PTPRG: variants seen among roughly 807,000 people sequenced by gnomAD.
PTPRG encodes the protein receptor-type tyrosine-protein phosphatase gamma.
A neutral mutation model predicts 165.3 loss-of-function variants in PTPRG; 102 were observed. The observed-to-expected ratio is 0.62, with a 90% CI of 0.53 to 0.73. The LOEUF (loss-of-function observed/expected upper bound fraction) is 0.73, where lower values mean the gene tolerates loss of function less well. Among genes scored for constraint, PTPRG ranks in the 30% least tolerant of loss-of-function variants. PTPRG has a pLI of 0.00. For synonymous variants in PTPRG, 675 were observed against 669.5 expected, an observed-to-expected ratio of 1.01 and a Z score of -0.13; for missense variants, 1,866 against 1,861.4, an observed-to-expected ratio of 1.00 and a Z score of -0.05.
At chr3:61,792,122 A>T (rs767386128) in intron 2 of PTPRG, among the ~76,000 whole-genome samples, 56 of 151,896 alleles carry the variant, frequency 3.7e-4, no homozygotes, top group South Asian at 1.2e-3. Flanking sequence ...GAGATCTGTA[A>T]TCTTGTAGTT....
At chr3:61,817,208 A>G (rs979987764) in intron 2 of PTPRG, among the ~76,000 whole-genome samples, 2 of 136,978 alleles carry the variant, frequency 1.5e-5, no homozygotes, top group Non-Finnish European at 3.0e-5. Context: ...ATAATAATAT[A>G]ATAATATATA....
chr3:61,836,387 T>C (rs531159245), intron 2 of PTPRG, among the ~76,000 whole-genome samples: 20 of 152,286 alleles, frequency 1.3e-4, no homozygotes, highest in South Asian at 1.2e-3. Flanking sequence ...TTTAAAGTTG[T>C]AACATTTTGA....
chr3:61,586,407 A>G (rs891416393), intron 1 of PTPRG, among the ~76,000 whole-genome samples: 2 of 152,224 alleles, frequency 1.3e-5, no homozygotes, highest in African/African-American at 4.8e-5. Context: ...TGAAGATGAT[A>G]TGGCAACCAG....
intron 5 of PTPRG, among the ~76,000 whole-genome samples, chr3:62,085,220 G>T (rs1701709522): frequency 6.6e-6 from 1 of 152,088 alleles, no homozygotes; most frequent in African/African-American, 2.4e-5. Context: ...TAATTATTTG[G>T]GTTTTTGAAA....
chr3:62,012,461 T>G (rs2041446932), intron 4 of PTPRG, among the ~76,000 whole-genome samples: 1 of 152,236 alleles, frequency 6.6e-6, no homozygotes, highest in Non-Finnish European at 1.5e-5. Context: ...CCAGAAATGT[T>G]TAATTTTTAA....
chr3:61,688,108 A>C (rs1266724987), intron 1 of PTPRG, among the ~76,000 whole-genome samples: 1 of 152,058 alleles, frequency 6.6e-6, no homozygotes, highest in Non-Finnish European at 1.5e-5. Flanking sequence ...GGCTCTGTTG[A>C]GGTGGTTGTC....
chr3:61,727,256 T>A (rs1162981736), intron 1 of PTPRG, among the ~76,000 whole-genome samples: 2 of 151,504 alleles, frequency 1.3e-5, no homozygotes, highest in Non-Finnish European at 2.9e-5. Context: ...AGTGATCTCA[T>A]CTCACTGCAA....
intron 1 of PTPRG, among the ~76,000 whole-genome samples, chr3:61,684,116 T>C (rs1433907566): frequency 6.6e-6 from 1 of 152,222 alleles, no homozygotes; most frequent in East Asian, 1.9e-4. Context: ...TTGTCTCGTA[T>C]AGGCTATCAG....
intron 4 of PTPRG, among the ~76,000 whole-genome samples, chr3:62,026,816 G>A (rs12637174): frequency 0.45 from 65,199 of 145,562 alleles, 14,878 homozygotes; most frequent in East Asian, 0.62. Flanking sequence ...AACCCGGGAG[G>A]TGGAGGTTGC....
chr3:61,845,047 T>G (rs1197919249), intron 2 of PTPRG, among the ~76,000 whole-genome samples: 4 of 152,274 alleles, frequency 2.6e-5, no homozygotes, highest in Non-Finnish European at 5.9e-5. Flanking sequence ...CGTGGTTGTT[T>G]ATCAATAAAG....
rs570859849 is a variant in PTPRG, at chr3:61,804,634, T to A, written c.190+55652T>A. On this transcript the variant is annotated intron_variant, in intron 2 of 29. Transcript: ENST00000474889. ...CTTGGTCCTATGCTTATTCTTTATT[T>A]TTACTGTAGGATTTACTTTTTCTTT... is the stretch of plus-strand genomic sequence containing the variant. Among the ~76,000 whole-genome samples the A allele has an allele frequency of 3.9e-5, 6 of 152,152 alleles. No homozygotes were observed. The South Asian group carries it at 8.3e-4, about 21-fold the overall frequency.
chr3:62,012,837 G>C (rs1575886524), intron 4 of PTPRG, among the ~76,000 whole-genome samples: 1 of 152,274 alleles, frequency 6.6e-6, no homozygotes, highest in East Asian at 1.9e-4. Context: ...TGAACCTGTA[G>C]TAAAATATAC....
In PTPRG at chr3:62,003,381, A is replaced by C; in HGVS notation, c.403A>C (p.Ser135Arg). ...AILLKDDYFV[S>R]GAGLPGRFKA... ...CCTTCTGAAAGACGACTATTTTGTC[A>C]GTGGAGCTGGTCTACCTGGCAGATT... Residue 135 changes from serine (S) to arginine (R), a missense_variant, in exon 4 of 30, where the codon AGT becomes CGT. Around this residue, in one of 3 missense-constraint regions of PTPRG, gnomAD observed 408 missense variants for 376.2 expected, o/e 1.08. Transcript: ENST00000474889. The C allele has an allele frequency of 5.6e-6, 9 of 1,614,002 alleles. No homozygotes were observed. Among genetic ancestry groups the C allele is most frequent in the Non-Finnish European group, 7.6e-6 (9 of 1,179,908 alleles).
Position 62,147,018 on chromosome 3 carries a change from A to G in PTPRG, c.683-10049A>G, listed in dbSNP as rs555716855. Among the ~76,000 whole-genome samples the G allele has an allele frequency of 7.9e-5, 12 of 152,328 alleles. No homozygotes were observed. In the South Asian group the frequency reaches 2.5e-3, roughly 32 times the overall value. ...GCATGGTCTTGCTGTAACAGAGCCTACAACCTGTCAAAGAGACCATGTTAG... is the reference window on the plus strand; with the variant it reads ...GCATGGTCTTGCTGTAACAGAGCCTGCAACCTGTCAAAGAGACCATGTTAG... On this transcript the variant is annotated intron_variant, in intron 6 of 29. Coordinates refer to ENST00000474889, the MANE Select transcript of PTPRG (RefSeq NM_002841.4).
intron 2 of PTPRG, among the ~76,000 whole-genome samples, chr3:61,980,230 G>T (rs2040608817): frequency 6.6e-6 from 1 of 152,170 alleles, no homozygotes; most frequent in South Asian, 2.1e-4. Flanking sequence ...TGACTTTTCA[G>T]AATAGTGCGT....
At chr3:62,153,471 C>T (rs1299795070) in intron 6 of PTPRG, among the ~76,000 whole-genome samples, 2 of 152,050 alleles carry the variant, frequency 1.3e-5, no homozygotes, top group Non-Finnish European at 2.9e-5. Flanking sequence ...GGAGCTTTGG[C>T]AAAGAAAGCT....
intron 2 of PTPRG, among the ~76,000 whole-genome samples, chr3:61,834,063 A>G (rs1315561321): frequency 6.6e-6 from 1 of 152,260 alleles, no homozygotes; most frequent in Admixed American, 6.5e-5. Flanking sequence ...TTTCTTGGGA[A>G]GTAAACATAA....
At chr3:62,101,364 G>A (rs1011133031) in intron 5 of PTPRG, among the ~76,000 whole-genome samples, 6 of 152,312 alleles carry the variant, frequency 3.9e-5, no homozygotes, top group Middle Eastern at 3.4e-3. Flanking sequence ...TTGAAATATG[G>A]AAAATTCCGA....
intron 2 of PTPRG, among the ~76,000 whole-genome samples, chr3:61,851,677 C>A (rs1274147825): frequency 6.6e-6 from 1 of 152,054 alleles, no homozygotes; most frequent in South Asian, 2.1e-4. Context: ...TTTTAAAATG[C>A]CTGAGAATTG....
Sources: gnomAD v4.1 joint callset for allele counts (sites outside exome capture counted in the v4.1 genomes callset) on GRCh38, gnomAD v4.1.1 for gene constraint, gnomAD v4.1.1 regional missense constraint, MANE v1.5 for transcripts, NCBI Gene and HGNC (gene_info 2026-07-23, HGNC 2026-07-21) for gene names.